SACM1L: variants seen among roughly 807,000 people sequenced by gnomAD.
The protein encoded by SACM1L is phosphatidylinositol-3-phosphatase SAC1.
Under a neutral mutation model 89.5 loss-of-function variants are expected in SACM1L, and 32 were observed. The ratio of observed to expected loss-of-function variants is 0.36; its 90% CI spans 0.27 to 0.48. The LOEUF (loss-of-function observed/expected upper bound fraction) is 0.48, where lower values mean the gene tolerates loss of function less well. Ranked by LOEUF, SACM1L falls within the 20% of genes least tolerant of loss-of-function variation. SACM1L has a pLI of 0.99. For synonymous variants in SACM1L, 213 were observed against 232.8 expected (o/e 0.92, Z 0.77); for missense variants, 543 against 708.5 (o/e 0.77, Z 2.65).
rs758851028 is a variant in SACM1L at position 45,713,168 on chromosome 3, T to A, written c.515T>A (p.Leu172His). 2 of 1,612,814 alleles carry A rather than the reference T, an allele frequency of 1.2e-6. No individual in the cohort carries two copies. The highest frequency in any genetic ancestry group is 4.5e-5 in the East Asian group (2 of 44,850). ...CAGCGGTTTGTATGGAATGGTCATCTTCTAAGAGAACTTTCTGCACAGCCA... is the reference window on the plus strand; with the variant it reads ...CAGCGGTTTGTATGGAATGGTCATCATCTAAGAGAACTTTCTGCACAGCCA... ...ADQRFVWNGH[L>H]LRELSAQPEV... The change falls in exon 6 of 20, where the codon CTT becomes CAT. Residue 172 changes from leucine (L) to histidine (H), a missense_variant. Coordinates refer to ENST00000389061, the MANE Select transcript of SACM1L (RefSeq NM_014016.5).
chr3:45,735,350 C>A lies in SACM1L; in HGVS notation c.1216C>A (p.Arg406Ser). ...TNVIQSLLAR[R>S]SLQAQLQRLG... Reference sequence around the variant, plus strand: ...TGTGATCCAGAGTTTGTTAGCTCGTCGTTCACTTCAGGCCCAACTTCAGGT... The same window carrying A: ...TGTGATCCAGAGTTTGTTAGCTCGTAGTTCACTTCAGGCCCAACTTCAGGT... The change falls in exon 14 of 20, where the codon CGT (arginine) becomes AGT (serine). Residue 406 changes from arginine (R) to serine (S), a missense_variant. By Grantham distance (110) the Arg-to-Ser change is moderately radical. Around this residue, in one of 2 missense-constraint regions of SACM1L, gnomAD observed 370 missense variants for 527.6 expected, o/e 0.70. Transcript: ENST00000389061. 1 of 1,572,794 alleles carries A rather than the reference C, an allele frequency of 6.4e-7. No individual in the cohort carries two copies.
At chr3:45,704,440 A>G (rs1033104236) in intron 2 of SACM1L, among the ~76,000 whole-genome samples, 22 of 152,240 alleles carry the variant, frequency 1.4e-4, no homozygotes, top group African/African-American at 5.3e-4. Flanking sequence ...TCTTTGATCA[A>G]ATGGAATTAG....
At chr3:45,715,021 A>G (rs964272513) in intron 7 of SACM1L, among the ~76,000 whole-genome samples, 1 of 152,208 alleles carries the variant, frequency 6.6e-6, no homozygotes, top group African/African-American at 2.4e-5. Flanking sequence ...ACAGTTGCCT[A>G]CAGTATTTAG....
intron 5 of SACM1L, among the ~76,000 whole-genome samples, chr3:45,711,789 A>G (rs1217982203): frequency 6.6e-6 from 1 of 152,176 alleles, no homozygotes; most frequent in Non-Finnish European, 1.5e-5. Flanking sequence ...TTCCCTGTGT[A>G]AATTACATCC....
intron 8 of SACM1L, among the ~76,000 whole-genome samples, chr3:45,720,382 AT>A (rs1006781010): frequency 3.9e-5 from 6 of 152,186 alleles, no homozygotes; most frequent in African/African-American, 1.2e-4. Flanking sequence ...ATCAAAAAGT[AT>A]TTTTTTAATG....
Position 45,709,584 on chromosome 3 carries a change from C to T in SACM1L, c.420C>T (p.Thr140=), listed in dbSNP as rs1559540859. 1.2e-6 allele frequency: 2 copies of T among 1,613,696 alleles called. No individual in the cohort carries two copies. Among genetic ancestry groups the T allele is most frequent in the East Asian group, 2.2e-5 (1 of 44,862 alleles). ...GFYFSTTYDL[T]HTLQRLSNTS... is the part of the protein sequence containing the mutation. ...ACTTTTCAACAACATATGATTTGAC[C>T]CATACTTTGCAGCGGCTATCCAACA... The change falls in exon 5 of 20, where the codon ACC becomes ACT. Residue 140 remains threonine, a synonymous_variant. Coordinates refer to ENST00000389061, the MANE Select transcript of SACM1L (RefSeq NM_014016.5).
chr3:45,700,725 G>GCACT (rs1698245720), intron 1 of SACM1L, among the ~76,000 whole-genome samples: 1 of 152,260 alleles, frequency 6.6e-6, no homozygotes, highest in African/African-American at 2.4e-5. Context: ...GCAGTGGTGT[G>GCACT]CACTCACTGC....
chr3:45,719,700 T>A, intron 8 of SACM1L, 99 bp downstream of exon 8: 1 of 644,860 alleles, frequency 1.6e-6, no homozygotes, highest in South Asian at 2.1e-5. Flanking sequence ...TCATTATCAT[T>A]TGATAGCCTT....
rs528765599 is a variant in SACM1L at position 45,695,020 on chromosome 3, C to T, written c.32+5523C>T. Among the ~76,000 whole-genome samples, 15 of 152,080 alleles carry T rather than the reference C, an allele frequency of 9.9e-5. No individual in the cohort carries two copies. The East Asian group carries it at 2.9e-3, about 30-fold the overall frequency. ...AACTGGTTTGGAATTGGGTTGTGCC[C>T]CTGGGGAGTCTGTGATGAACTTGAG... is the stretch of plus-strand genomic sequence containing the variant. On this transcript the variant is annotated intron_variant, in intron 1 of 19. Transcript: ENST00000389061.
At chr3:45,705,332 G>T in intron 3 of SACM1L, 123 bp downstream of exon 3, 1 of 495,662 alleles carries the variant, frequency 2.0e-6, no homozygotes, top group Non-Finnish European at 3.6e-6. Context: ...TAAATCTCTT[G>T]GTTAAGTATT....
intron 11 of SACM1L, among the ~76,000 whole-genome samples, chr3:45,730,250 A>G (rs907697710): frequency 1.2e-4 from 18 of 150,896 alleles, no homozygotes; most frequent in African/African-American, 4.1e-4. Context: ...ATGTTTGATT[A>G]TTATAATATC....
At chr3:45,700,552 CATT>C (rs1698241452) in intron 1 of SACM1L, among the ~76,000 whole-genome samples, 1 of 152,170 alleles carries the variant, frequency 6.6e-6, no homozygotes, top group Admixed American at 6.5e-5. Flanking sequence ...GTTCTGAAAC[CATT>C]TAGTAAAATT....
Position 45,731,309 on chromosome 3 carries a change from GA to G in SACM1L, c.932del (p.Lys311ArgfsTer22). On this transcript the variant is annotated frameshift_variant, in exon 12 of 20. Coordinates refer to ENST00000389061, the MANE Select transcript of SACM1L (RefSeq NM_014016.5). LOFTEE classifies it high-confidence loss of function. ...KQVIINLINQ[K>X]GSEKPLEQTF... Reference sequence around the variant, plus strand: ...TTTGAAATTTTTTACAGATTAACCAGAAGGGCTCGGAGAAGCCACTTGAGCA... The same window carrying G: ...TTTGAAATTTTTTACAGATTAACCAGAGGGCTCGGAGAAGCCACTTGAGCA... 1 of 1,611,530 alleles carries G rather than the reference GA, an allele frequency of 6.2e-7. No homozygotes were observed. The highest frequency in any genetic ancestry group is 8.5e-7 in the Non-Finnish European group (1 of 1,178,388).
At chr3:45,707,643 C>T (rs1318327978) in intron 4 of SACM1L, among the ~76,000 whole-genome samples, 5 of 152,106 alleles carry the variant, frequency 3.3e-5, no homozygotes, top group African/African-American at 1.2e-4. Flanking sequence ...GCGAACTGAC[C>T]GACATTAATG....
intron 1 of SACM1L, among the ~76,000 whole-genome samples, chr3:45,691,230 T>G (rs983838954): frequency 1.2e-4 from 19 of 152,150 alleles, no homozygotes; most frequent in Non-Finnish European, 7.4e-5. Context: ...CAGTCCTAGC[T>G]TTTTTTCCCC....
intron 5 of SACM1L, among the ~76,000 whole-genome samples, chr3:45,710,026 C>T (rs1001103067): frequency 1.3e-5 from 2 of 152,144 alleles, no homozygotes; most frequent in African/African-American, 4.8e-5. Flanking sequence ...TTTCTTAACT[C>T]TCAGTGTTCG....
intron 4 of SACM1L, 180 bp downstream of exon 4, chr3:45,707,087 T>C: frequency 2.0e-6 from 1 of 505,152 alleles, no homozygotes; most frequent in Non-Finnish European, 3.3e-6. Context: ...AATCATTTGT[T>C]GCTCTTGTTT....
chr3:45,723,950 GCACACACACACACAGACACACA>G (rs1053647921), intron 11 of SACM1L, among the ~76,000 whole-genome samples: 1 of 117,338 alleles, frequency 8.5e-6, no homozygotes. Context: ...ATGCATATAT[GCACACACACACACAGACACACA>G]CACACACACA....
intron 1 of SACM1L, among the ~76,000 whole-genome samples, chr3:45,700,412 T>C (rs1329004655): frequency 6.6e-6 from 1 of 152,202 alleles, no homozygotes; most frequent in East Asian, 1.9e-4. Flanking sequence ...GTCACCTTCC[T>C]GAGACCTTTC....
Sources: allele counts gnomAD v4.1 joint callset (sites outside exome capture counted in the v4.1 genomes callset), GRCh38; gene constraint gnomAD v4.1.1; regional missense constraint gnomAD v4.1.1; transcripts MANE v1.5; gene names NCBI Gene and HGNC (gene_info 2026-07-23, HGNC 2026-07-21).